The following TINAG variants were observed in gnomAD, a reference collection of about 807,000 sequenced individuals.
The protein encoded by TINAG is tubulointerstitial nephritis antigen.
In TINAG, 83 loss-of-function variants were observed where a neutral mutation model predicts 72.7. That is an observed-to-expected ratio of 1.14 (90% CI 0.96 to 1.37). The LOEUF is 1.37. Ranked by LOEUF, TINAG falls within the 40% of genes most tolerant of loss-of-function variation. TINAG has a pLI of 0.00. For missense variants in TINAG, 685 were observed against 576.6 expected (o/e 1.19, Z -1.93); for synonymous variants, 234 against 189.9 (o/e 1.23, Z -1.91).
At chr6:54,343,127 A>C (rs1582721996) in intron 4 of TINAG, 99 bp from the exon 5 acceptor site, 1 of 1,081,078 alleles carries the variant, frequency 9.3e-7, no homozygotes, top group South Asian at 3.7e-5. Flanking sequence ...TGTATAAAAT[A>C]ATTTAAAAAA....
At position 54,343,234 on chromosome 6, in the gene TINAG, A is replaced by G. The variant is rs376936685; in HGVS notation, c.633A>G (p.Leu211=). ...CTCTTCTTCCTCTTTAGGCTTCTTTACCTGCAACAACTGATCTTCCAGAGT... is the reference window on the plus strand; with the variant it reads ...CTCTTCTTCCTCTTTAGGCTTCTTTGCCTGCAACAACTGATCTTCCAGAGT... ...LLSMNEMTAS[L]PATTDLPEFF... The change falls in exon 5 of 11, where the codon TTA becomes TTG. Residue 211 remains leucine (L), a synonymous_variant. Coordinates refer to ENST00000259782, the MANE Select transcript of TINAG (RefSeq NM_014464.4). 3.8e-6 allele frequency: 6 copies of G among 1,563,322 alleles called. No individual in the cohort carries two copies. In the African/African-American group the frequency reaches 6.8e-5, roughly 18 times the overall value.
At chr6:54,310,742 CCTCTT>C (rs1177258320) in intron 1 of TINAG, among the ~76,000 whole-genome samples, 15 of 132,158 alleles carry the variant, frequency 1.1e-4, no homozygotes, top group Non-Finnish European at 2.1e-4. Context: ...TCTTTCTCTC[CCTCTT>C]CTCTTTCTTT....
rs34286210 is a variant in TINAG at position 54,337,246 on chromosome 6, ATTTTTTT to A, written c.625-5962_625-5956del. On this transcript the variant is annotated intron_variant, in intron 4 of 10. Coordinates refer to ENST00000259782, the MANE Select transcript of TINAG (RefSeq NM_014464.4). ...AGTTTCTACTGTTCATGGGATTTGAATTTTTTTTTTTTTTTTTTTTTTTTGAGACAGA... is the reference window on the plus strand; with the variant it reads ...AGTTTCTACTGTTCATGGGATTTGAATTTTTTTTTTTTTTTTTGAGACAGA... 3.6e-3 allele frequency among the ~76,000 whole-genome samples: 338 copies of A among 94,078 alleles called. 1 individual carries two copies. Among genetic ancestry groups the A allele is most frequent in the African/African-American group, 8.2e-3 (212 of 25,832 alleles). 61.7% of individuals were successfully genotyped at this position (94,078 alleles called of 152,430 possible).
At chr6:54,329,413 C>G (rs956191321) in intron 4 of TINAG, among the ~76,000 whole-genome samples, 6 of 152,124 alleles carry the variant, frequency 3.9e-5, no homozygotes, top group African/African-American at 1.4e-4. Flanking sequence ...CCTTTACAGA[C>G]AAGCAAATGC....
At chr6:54,365,402 A>C (rs1250302196) in intron 9 of TINAG, 2 of 151,578 alleles carry the variant, frequency 1.3e-5, no homozygotes, top group African/African-American at 4.8e-5. Flanking sequence ...ATAATAGTTT[A>C]GGATGGGTGC....
Position 54,312,565 on chromosome 6 carries a change from G to T in TINAG, c.355+3660G>T, listed in dbSNP as rs549249202. Among the ~76,000 whole-genome samples the T allele has an allele frequency of 1.8e-4, 28 of 152,218 alleles. No homozygotes were observed. The South Asian group carries it at 5.6e-3, about 30-fold the overall frequency. On this transcript the variant is annotated intron_variant, in intron 1 of 10. Transcript: ENST00000259782. ...CCGTTTTTGCTACATTTAACAGGGA[G>T]ATATTTGTTATGCTTTAAGAGAAAA...
chr6:54,368,379 A>G (rs1029390406), intron 9 of TINAG, among the ~76,000 whole-genome samples: 1 of 148,270 alleles, frequency 6.7e-6, no homozygotes, highest in African/African-American at 2.4e-5. Flanking sequence ...TATATTAATT[A>G]TTATTATACA....
intron 4 of TINAG, among the ~76,000 whole-genome samples, chr6:54,336,009 G>A (rs1456244858): frequency 6.6e-6 from 1 of 151,970 alleles, no homozygotes; most frequent in Non-Finnish European, 1.5e-5. Flanking sequence ...TAAGCCATGA[G>A]TCATCCTGAA....
At chr6:54,384,013 C>T (rs1764024692) in intron 10 of TINAG, among the ~76,000 whole-genome samples, 2 of 152,128 alleles carry the variant, frequency 1.3e-5, no homozygotes, top group Admixed American at 1.3e-4. Context: ...CCATAGAATA[C>T]TACGCATCAA....
intron 9 of TINAG, among the ~76,000 whole-genome samples, chr6:54,373,354 G>A (rs193002357): frequency 7.2e-5 from 11 of 152,094 alleles, no homozygotes; most frequent in East Asian, 3.9e-4. Context: ...TCTCAGATAC[G>A]CATTCATTTC....
intron 9 of TINAG, among the ~76,000 whole-genome samples, chr6:54,365,752 A>G (rs951142692): frequency 6.6e-5 from 10 of 151,618 alleles, no homozygotes; most frequent in Admixed American, 1.3e-4. Context: ...AAAACCCATT[A>G]GAGATTCAAA....
Position 54,347,502 on chromosome 6 carries a change from A to G in TINAG, c.884A>G (p.Tyr295Cys), listed in dbSNP as rs753165202. 2.3e-5 allele frequency: 37 copies of G among 1,612,596 alleles called. No individual in the cohort carries two copies. The Admixed American group carries it at 6.2e-4, about 27-fold the overall frequency. Residue 295 changes from tyrosine to cysteine, a missense_variant, in exon 6 of 11, where the codon TAC becomes TGC. Tyr to Cys is a radical substitution (Grantham distance 194, BLOSUM62 -2). Coordinates refer to ENST00000259782, the MANE Select transcript of TINAG (RefSeq NM_014464.4). ...NSGSIDRAWW[Y>C]LRKRGLVSHA... ...GGAAGCATCGATAGGGCTTGGTGGTACCTGAGAAAACGTGGGTAAATAGCT... is the reference window on the plus strand; with the variant it reads ...GGAAGCATCGATAGGGCTTGGTGGTGCCTGAGAAAACGTGGGTAAATAGCT...
intron 6 of TINAG, among the ~76,000 whole-genome samples, chr6:54,347,724 C>T (rs945692922): frequency 1.2e-4 from 19 of 152,034 alleles, no homozygotes; most frequent in Admixed American, 3.9e-4. Context: ...TCCTGAAGAA[C>T]GTATACATTT....
At chr6:54,358,534 CAAAAAA>C (rs34091915) in intron 9 of TINAG, among the ~76,000 whole-genome samples, 1 of 112,946 alleles carries the variant, frequency 8.9e-6, no homozygotes, top group African/African-American at 3.1e-5. Context: ...AGTTATTCGT[CAAAAAA>C]AAAAAAAAAA....
At chr6:54,345,342 T>A (rs1785095358) in intron 5 of TINAG, among the ~76,000 whole-genome samples, 1 of 152,132 alleles carries the variant, frequency 6.6e-6, no homozygotes, top group South Asian at 2.1e-4. Flanking sequence ...CATTTATCCT[T>A]CAGTTGAAAT....
intron 1 of TINAG, among the ~76,000 whole-genome samples, chr6:54,313,574 T>C (rs1204138678): frequency 1.3e-5 from 2 of 152,218 alleles, no homozygotes; most frequent in Non-Finnish European, 1.5e-5. Context: ...TGTTGTTTAA[T>C]AGAATATTAC....
intron 1 of TINAG, among the ~76,000 whole-genome samples, chr6:54,314,694 A>G (rs2150930320): frequency 6.6e-6 from 1 of 152,260 alleles, no homozygotes; most frequent in South Asian, 2.1e-4. Context: ...GTCTCAGTTT[A>G]AAAGTATGAG....
intron 10 of TINAG, 70 bp from the exon 11 acceptor site, chr6:54,389,721 T>C: frequency 6.6e-7 from 1 of 1,520,510 alleles, no homozygotes; most frequent in Non-Finnish European, 8.8e-7. Context: ...ACAAATGAGT[T>C]CTCCATGGCT....
chr6:54,325,137 C>T (rs1784574608), intron 3 of TINAG, among the ~76,000 whole-genome samples: 1 of 152,158 alleles, frequency 6.6e-6, no homozygotes, highest in African/African-American at 2.4e-5. Context: ...CTCATCCTTC[C>T]AGATAGAGAA....
Sources: allele counts gnomAD v4.1 joint callset (sites outside exome capture counted in the v4.1 genomes callset), GRCh38; gene constraint gnomAD v4.1.1; transcripts MANE v1.5; gene names NCBI Gene and HGNC (gene_info 2026-07-23, HGNC 2026-07-21).